TAFA1: variants seen among roughly 807,000 people sequenced by gnomAD.
TAFA1 encodes the protein chemokine-like protein TAFA-1.
In TAFA1, 4 loss-of-function variants were observed where a neutral mutation model predicts 18.5. The observed-to-expected ratio is 0.22, with a 90% CI of 0.11 to 0.49. The LOEUF (loss-of-function observed/expected upper bound fraction) is 0.49. Ranked by LOEUF, TAFA1 falls within the 20% of genes least tolerant of loss-of-function variation. The pLI, the probability that TAFA1 is intolerant of heterozygous loss-of-function variation, is 0.98. For synonymous variants in TAFA1, 56 were observed against 55.2 expected, an observed-to-expected ratio of 1.01 and a Z score of -0.06; for missense variants, 147 against 169.0, an observed-to-expected ratio of 0.87 and a Z score of 0.72.
intron 2 of TAFA1, among the ~76,000 whole-genome samples, chr3:68,058,972 A>C (rs549699533): frequency 6.6e-6 from 1 of 152,258 alleles, no homozygotes; most frequent in South Asian, 2.1e-4. Context: ...AATTGTGGAG[A>C]TATTTGCTAT....
chr3:68,380,293 T>C (rs2069914382), intron 2 of TAFA1, among the ~76,000 whole-genome samples: 1 of 152,332 alleles, frequency 6.6e-6, no homozygotes, highest in African/African-American at 2.4e-5. Flanking sequence ...AGTAATGGGA[T>C]GGCTGGGTCA....
At chr3:68,374,155 C>G (rs2069765004) in intron 2 of TAFA1, among the ~76,000 whole-genome samples, 1 of 152,184 alleles carries the variant, frequency 6.6e-6, no homozygotes, top group African/African-American at 2.4e-5. Context: ...TAGCCACCCA[C>G]AACTCCAGTG....
intron 2 of TAFA1, among the ~76,000 whole-genome samples, chr3:68,337,530 C>T (rs1198847708): frequency 6.6e-6 from 1 of 152,144 alleles, no homozygotes; most frequent in Non-Finnish European, 1.5e-5. Context: ...CAAAACTGCA[C>T]ATAATTGATG....
At chr3:68,273,652 A>G (rs895508985) in intron 2 of TAFA1, among the ~76,000 whole-genome samples, 1 of 152,106 alleles carries the variant, frequency 6.6e-6, no homozygotes, top group African/African-American at 2.4e-5. Flanking sequence ...GTGATTTGAA[A>G]CCACTCTTGC....
chr3:68,133,983 T>C (rs1342727819), intron 2 of TAFA1, among the ~76,000 whole-genome samples: 1 of 150,654 alleles, frequency 6.6e-6, no homozygotes, highest in African/African-American at 2.4e-5. Flanking sequence ...TGGTCAGGAC[T>C]GGACCCTTGA....
chr3:68,528,807 C>T (rs759787382), intron 3 of TAFA1, among the ~76,000 whole-genome samples: 2 of 152,098 alleles, frequency 1.3e-5, no homozygotes, highest in South Asian at 2.1e-4. Flanking sequence ...TTTGGCATAT[C>T]GAAGAATAAT....
At chr3:68,375,848 C>T (rs762861451) in intron 2 of TAFA1, among the ~76,000 whole-genome samples, 3 of 152,096 alleles carry the variant, frequency 2.0e-5, no homozygotes, top group Non-Finnish European at 2.9e-5. Context: ...TTCTAATATA[C>T]AATGGAGGGG....
chr3:68,305,890 A>G (rs1045960551), intron 2 of TAFA1, among the ~76,000 whole-genome samples: 3 of 152,204 alleles, frequency 2.0e-5, no homozygotes, highest in African/African-American at 7.2e-5. Context: ...TAAAATGGAC[A>G]TGATAACACT....
chr3:68,059,772 C>A (rs938163830), intron 2 of TAFA1, among the ~76,000 whole-genome samples: 1 of 152,144 alleles, frequency 6.6e-6, no homozygotes, highest in African/African-American at 2.4e-5. Flanking sequence ...AAAATAAGAT[C>A]TTTTGTAAAA....
At chr3:68,263,435 C>CCACACACA (rs1273459888) in intron 2 of TAFA1, among the ~76,000 whole-genome samples, 93 of 86,628 alleles carry the variant, frequency 1.1e-3, no homozygotes, top group African/African-American at 5.1e-3. Flanking sequence ...GATACTTTAA[C>CCACACACA]CACACACACA....
At chr3:68,524,337 G>GA (rs1360507916) in intron 3 of TAFA1, among the ~76,000 whole-genome samples, 4 of 151,988 alleles carry the variant, frequency 2.6e-5, no homozygotes, top group Admixed American at 6.5e-5. Flanking sequence ...TTTATTGGAT[G>GA]AAAAAATCAT....
chr3:68,093,900 C>T (rs2065056770), intron 2 of TAFA1, among the ~76,000 whole-genome samples: 1 of 152,034 alleles, frequency 6.6e-6, no homozygotes. Context: ...ATAGAAAAAC[C>T]TCATAGATCT....
chr3:68,454,148 A>T (rs1334703476), intron 3 of TAFA1, among the ~76,000 whole-genome samples: 1 of 152,194 alleles, frequency 6.6e-6, no homozygotes, highest in Non-Finnish European at 1.5e-5. Flanking sequence ...TGACACAGGA[A>T]TTATAAAAGA....
At chr3:68,124,453 T>C (rs907783137) in intron 2 of TAFA1, among the ~76,000 whole-genome samples, 3 of 152,190 alleles carry the variant, frequency 2.0e-5, no homozygotes, top group African/African-American at 7.2e-5. Context: ...TATAAAATTG[T>C]GTGATATGTG....
intron 2 of TAFA1, among the ~76,000 whole-genome samples, chr3:68,390,007 C>T (rs893988922): frequency 1.1e-4 from 16 of 152,086 alleles, no homozygotes; most frequent in Non-Finnish European, 1.5e-4. Flanking sequence ...CAGTGACAAC[C>T]GTTCACTCCC....
intron 2 of TAFA1, among the ~76,000 whole-genome samples, chr3:68,318,783 G>A (rs569659185): frequency 1.3e-4 from 20 of 152,250 alleles, no homozygotes; most frequent in Non-Finnish European, 2.1e-4. Flanking sequence ...TCTGGTCTAA[G>A]TAGGCTTATT....
chr3:68,412,204 C>G (rs1328954227), intron 2 of TAFA1, among the ~76,000 whole-genome samples: 1 of 152,060 alleles, frequency 6.6e-6, no homozygotes, highest in Non-Finnish European at 1.5e-5. Flanking sequence ...TTACCATGCT[C>G]TTCCTTTTTC....
rs180878482 is a variant in TAFA1 at position 68,178,061 on chromosome 3, G to A, written c.118+171317G>A. On this transcript the variant is annotated intron_variant, in intron 2 of 4. Transcript: ENST00000478136. ...CGGGAGGCTGAGGCAGGAGAATGGCGTGAACCTGGGAGGCGGAGCTTGCAG... is the reference window on the plus strand; with the variant it reads ...CGGGAGGCTGAGGCAGGAGAATGGCATGAACCTGGGAGGCGGAGCTTGCAG... Among the ~76,000 whole-genome samples the A allele has an allele frequency of 1.5e-3, 221 of 152,056 alleles. 1 individual carries two copies. Among genetic ancestry groups the A allele is most frequent in the East Asian group, 2.7e-3 (14 of 5,156 alleles).
chr3:68,360,562 G>T (rs1262524483), intron 2 of TAFA1, among the ~76,000 whole-genome samples: 1 of 151,652 alleles, frequency 6.6e-6, no homozygotes. Flanking sequence ...TGGTTGTTGG[G>T]TTTTTTTTAA....
Sources: allele counts gnomAD v4.1 joint callset (sites outside exome capture counted in the v4.1 genomes callset), GRCh38; gene constraint gnomAD v4.1.1; transcripts MANE v1.5; gene names NCBI Gene and HGNC (gene_info 2026-07-23, HGNC 2026-07-21).